NBPF20: variants seen among roughly 807,000 people sequenced by gnomAD.
NBPF20 encodes the protein NBPF member 20, also known as NBPF family member NBPF20.
NBPF20 carries 90 observed loss-of-function variants against 68.1 expected under a neutral mutation model. That is an observed-to-expected ratio of 1.32 (90% CI 1.11 to 1.58). NBPF20 has a LOEUF of 1.58. Ranked by LOEUF, NBPF20 falls within the 40% of genes most tolerant of loss-of-function variation. The probability of loss-of-function intolerance (pLI) is 0.00; values close to 1 mark genes in which losing one functional copy is unlikely to be tolerated. For synonymous variants in NBPF20, 290 were observed against 228.1 expected, an observed-to-expected ratio of 1.27 and a Z score of -2.45; for missense variants, 816 against 601.2, an observed-to-expected ratio of 1.36 and a Z score of -3.74.
intron 119 of NBPF20, among the ~76,000 whole-genome samples, 181 bp from the exon 125 acceptor site, chr1:145,306,246 A>T (rs1661404190): frequency 1.4e-5 from 2 of 145,244 alleles, no homozygotes; most frequent in Admixed American, 1.4e-4. Context: ...AAAAGAATGA[A>T]AGAGAAAGAC....
At chr1:145,311,037 A>G (rs1661464230) in intron 113 of NBPF20, among the ~76,000 whole-genome samples, 1 of 86,822 alleles carries the variant, frequency 1.2e-5, no homozygotes, top group Non-Finnish European at 2.2e-5. Flanking sequence ...AGGGAGGGAG[A>G]GAGAGAGAGA....
chr1:145,403,362 T>A (rs1205334633), intron 2 of NBPF20, 44 bp from the exon 8 acceptor site: 4 of 1,487,830 alleles, frequency 2.7e-6, no homozygotes, highest in Non-Finnish European at 3.7e-6. Flanking sequence ...AGGCTGGACA[T>A]GCTGCTGTGG....
chr1:145,295,079 T>A, intron 133 of NBPF20, 125 bp from the exon 139 acceptor site: 1 of 527,088 alleles, frequency 1.9e-6, no homozygotes, highest in South Asian at 2.1e-5. Context: ...ATTAATGAGG[T>A]AATGAATTAT....
In NBPF20 at chr1:145,338,084, C is replaced by A. The variant is rs1207315916; in HGVS notation, c.9546-275G>T. ...AGAGAGAACGAGCTCAGTGAATTGT[C>A]CAGGTGACACACTGATGAGGGAGTA... On this transcript the variant is annotated intron_variant, in intron 79 of 137. Transcript: ENST00000369373. Among the ~76,000 whole-genome samples, 10 of 73,454 alleles carry A rather than the reference C, an allele frequency of 1.4e-4. 2 individuals are homozygous for A. The highest frequency in any genetic ancestry group is 2.8e-4 in the Non-Finnish European group (10 of 36,212). The allele number at this position is 73,454 out of a possible 152,430, so 48.2% of individuals were successfully genotyped here. A position where few individuals can be genotyped will look rare whatever the true frequency, so the allele number is the denominator to read the frequency against.
chr1:145,372,477 G>T lies in NBPF20; in HGVS notation c.4369+35C>A, dbSNP rs1166149353. On this transcript the variant is annotated intron_variant, in intron 36 of 137. Transcript: ENST00000369373. ...ATATCACCCCTATCTGGAAGACCAG[G>T]TGGAGGCTTATCACCTTCACAGTAA... 2.2e-5 allele frequency: 10 copies of T among 451,004 alleles called. 2 individuals are homozygous for T. The highest frequency in any genetic ancestry group is 3.7e-5 in the Non-Finnish European group (10 of 266,682). The allele number at this position is 451,004 out of a possible 1,614,324, so 27.9% of individuals were successfully genotyped here. A position where few individuals can be genotyped will look rare whatever the true frequency, so the allele number is the denominator to read the frequency against.
the NBPF20 span, among the ~76,000 whole-genome samples, chr1:145,421,497 A>G: frequency 6.6e-6 from 1 of 152,216 alleles, no homozygotes; most frequent in Non-Finnish European, 1.5e-5. Context: ...TGAATATGGT[A>G]TTAGTATGTT....
the NBPF20 span, among the ~76,000 whole-genome samples, chr1:145,412,540 G>A: frequency 6.6e-6 from 1 of 152,000 alleles, no homozygotes; most frequent in African/African-American, 2.4e-5. Context: ...TTAAATTTAA[G>A]CCTAATGCAG....
At position 145,372,500 on chromosome 1, in the gene NBPF20, T is replaced by A; in HGVS notation, c.4369+12A>T. 3 of 525,068 alleles carry A rather than the reference T, an allele frequency of 5.7e-6. 1 individual carries two copies. Among genetic ancestry groups the A allele is most frequent in the Non-Finnish European group, 9.6e-6 (3 of 313,270 alleles). 32.5% of individuals were successfully genotyped at this position (525,068 alleles called of 1,614,324 possible). A position where few individuals can be genotyped will look rare whatever the true frequency, so the allele number is the denominator to read the frequency against. On this transcript the variant is annotated intron_variant, in intron 36 of 137. Transcript: ENST00000369373. ...AGGTGGAGGCTTATCACCTTCACAG[T>A]AAGATACTCACTGTCCACGTCAAGA...
chr1:145,424,654 T>C, the NBPF20 span, among the ~76,000 whole-genome samples: 191 of 152,214 alleles, frequency 1.3e-3, 2 homozygotes, highest in East Asian at 0.034. Flanking sequence ...ATGCCAAACG[T>C]CTTGGTTAAC....
chr1:145,292,175 T>C (rs1266839404), intron 137 of NBPF20, among the ~76,000 whole-genome samples: 1 of 149,932 alleles, frequency 6.7e-6, no homozygotes, highest in African/African-American at 2.5e-5. Context: ...TTTTGAAGTA[T>C]GGTCAACCTA....
exon 138 of NBPF20, chr1:145,290,183 C>T (rs1660975274): frequency 6.8e-6 from 1 of 147,344 alleles, no homozygotes; most frequent in African/African-American, 2.6e-5. Flanking sequence ...TAGACACAGG[C>T]AGGGAGGATT....
the NBPF20 span, among the ~76,000 whole-genome samples, chr1:145,424,035 C>T: frequency 6.9e-6 from 1 of 145,950 alleles, no homozygotes; most frequent in African/African-American, 2.6e-5. Context: ...GAGTGCACTG[C>T]CATGATCACG....
Position 145,291,770 on chromosome 1 carries a change from C to T in NBPF20, c.16698-1G>A. 1.2e-6 allele frequency: 2 copies of T among 1,611,754 alleles called. No homozygotes were observed. The highest frequency in any genetic ancestry group is 1.7e-6 in the Non-Finnish European group (2 of 1,179,840). On this transcript the variant is annotated splice_acceptor_variant, in intron 137 of 137. Transcript: ENST00000369373. LOFTEE classifies it high-confidence loss of function. ...CACTTCCATCAGCACGCCGTTGAGC[C>T]TGGAAAAGGAGACAAAACTAAAGAA...
chr1:145,291,747 C>A (rs782535497), exon 138 of NBPF20: 10 of 1,611,836 alleles, frequency 6.2e-6, no homozygotes, highest in African/African-American at 2.7e-5. Flanking sequence ...GGCTCTTCCA[C>A]TTCCATCAGC....
At chr1:145,393,710 A>T in intron 9 of NBPF20, 174 bp downstream of exon 14, 2 of 1,482,992 alleles carry the variant, frequency 1.3e-6, no homozygotes, top group East Asian at 2.3e-5. Context: ...AAGGGTAGGA[A>T]GAAATGGAAA....
intron 6 of NBPF20, among the ~76,000 whole-genome samples, chr1:145,399,806 A>G (rs2101567432): frequency 7.5e-6 from 1 of 134,038 alleles, no homozygotes; most frequent in East Asian, 2.2e-4. Flanking sequence ...AAAATCCACG[A>G]TGCTACAAAG....
the NBPF20 span, among the ~76,000 whole-genome samples, chr1:145,425,250 C>T: frequency 6.6e-6 from 1 of 151,468 alleles, no homozygotes; most frequent in Non-Finnish European, 1.5e-5. Context: ...CCGCCTCGCC[C>T]TCCGTCGCTC....
the NBPF20 span, among the ~76,000 whole-genome samples, chr1:145,416,043 A>C: frequency 6.6e-6 from 1 of 150,834 alleles, no homozygotes; most frequent in African/African-American, 2.4e-5. Context: ...AGGCAGGAGA[A>C]TCACTTGAAC....
intron 112 of NBPF20, among the ~76,000 whole-genome samples, chr1:145,311,879 A>C (rs1185449911): frequency 8.9e-6 from 1 of 112,650 alleles, no homozygotes; most frequent in Non-Finnish European, 1.8e-5. Flanking sequence ...TGCTGAAATT[A>C]GAGTGAAGGA....
Sources: gnomAD v4.1 joint callset for allele counts (sites outside exome capture counted in the v4.1 genomes callset) on GRCh38, gnomAD v4.1.1 for gene constraint, MANE v1.5 for transcripts, NCBI Gene and HGNC (gene_info 2026-07-23, HGNC 2026-07-21) for gene names.